Variants in SCAI observed in about 807,000 individuals in gnomAD.
SCAI encodes the protein protein SCAI.
Under a neutral mutation model 92.2 loss-of-function variants are expected in SCAI, and 24 were observed. The observed-to-expected ratio is 0.26, with a 90% CI of 0.19 to 0.37. The LOEUF is 0.37. Among genes scored for constraint, SCAI ranks in the 10% least tolerant of loss-of-function variants. The pLI is 1.00. For missense variants in SCAI, 450 were observed against 736.2 expected, an observed-to-expected ratio of 0.61 and a Z score of 4.50; for synonymous variants, 261 against 258.6, an observed-to-expected ratio of 1.01 and a Z score of -0.09.
At chr9:125,142,529 A>C in intron 2 of SCAI, 104 bp downstream of exon 2, 1 of 832,468 alleles carries the variant, frequency 1.2e-6, no homozygotes, top group South Asian at 1.6e-5. Context: ...AAGGGGGATA[A>C]ATAAGAAACT....
At chr9:125,115,008 G>C (rs1835010373) in intron 2 of SCAI, among the ~76,000 whole-genome samples, 1 of 151,832 alleles carries the variant, frequency 6.6e-6, no homozygotes, top group Admixed American at 6.6e-5. Flanking sequence ...CCTGACCTCA[G>C]GTGATCTGTC....
intron 9 of SCAI, among the ~76,000 whole-genome samples, chr9:125,014,645 T>C (rs1326807147): frequency 4.6e-5 from 7 of 152,210 alleles, no homozygotes; most frequent in Non-Finnish European, 1.0e-4. Flanking sequence ...CCCATCAAGC[T>C]ACCAATGACT....
chr9:125,118,610 C>T (rs62580571), intron 2 of SCAI, among the ~76,000 whole-genome samples: 27,468 of 152,064 alleles, frequency 0.18, 3,040 homozygotes, highest in Non-Finnish European at 0.25. Context: ...ATACATGTTC[C>T]TTGGTGGTTT....
intron 17 of SCAI, among the ~76,000 whole-genome samples, chr9:124,969,958 A>C (rs560968594): frequency 1.3e-5 from 2 of 152,080 alleles, no homozygotes; most frequent in East Asian, 3.9e-4. Flanking sequence ...GGTTCAGGCA[A>C]TTCTCCTTCC....
At chr9:125,061,423 G>T (rs114014196) in intron 2 of SCAI, among the ~76,000 whole-genome samples, 1 of 151,988 alleles carries the variant, frequency 6.6e-6, no homozygotes, top group African/African-American at 2.4e-5. Flanking sequence ...ATGGATTATG[G>T]TAATAGTTTT....
intron 14 of SCAI, among the ~76,000 whole-genome samples, chr9:124,979,552 T>TA (rs1227675473): frequency 2.0e-5 from 3 of 151,216 alleles, no homozygotes; most frequent in Non-Finnish European, 3.0e-5. Context: ...AAAATAAAAA[T>TA]AAAAAAAAGA....
At chr9:125,073,254 G>A (rs972075784) in intron 2 of SCAI, among the ~76,000 whole-genome samples, 3 of 149,772 alleles carry the variant, frequency 2.0e-5, no homozygotes, top group East Asian at 3.9e-4. Flanking sequence ...ACAGGCGCCC[G>A]CTACCACGCC....
At chr9:125,009,026 T>C (rs1832573211) in intron 9 of SCAI, among the ~76,000 whole-genome samples, 1 of 151,824 alleles carries the variant, frequency 6.6e-6, no homozygotes, top group South Asian at 2.1e-4. Flanking sequence ...TCAACAGAAA[T>C]GAGAGAAGAT....
chr9:124,986,326 C>T (rs1174156441), intron 14 of SCAI, among the ~76,000 whole-genome samples: 2 of 152,072 alleles, frequency 1.3e-5, no homozygotes, highest in Admixed American at 6.6e-5. Context: ...CAATGGAATA[C>T]TTAAAAAAGA....
At chr9:125,130,526 T>C (rs1664611790) in intron 2 of SCAI, among the ~76,000 whole-genome samples, 1 of 152,128 alleles carries the variant, frequency 6.6e-6, no homozygotes. Flanking sequence ...CTCTTTTTTT[T>C]TTCTTTGAGA....
intron 2 of SCAI, among the ~76,000 whole-genome samples, chr9:125,092,649 T>C (rs1280222627): frequency 1.3e-5 from 2 of 152,244 alleles, no homozygotes; most frequent in Non-Finnish European, 2.9e-5. Context: ...CTCACTGTTA[T>C]TCAAGGACAT....
chr9:124,963,924 G>C (rs1831492793), intron 17 of SCAI, among the ~76,000 whole-genome samples: 1 of 151,956 alleles, frequency 6.6e-6, no homozygotes, highest in Admixed American at 6.6e-5. Context: ...CTGTCTCAGG[G>C]GTGGCAGAGA....
At chr9:124,965,757 A>T (rs1377348359) in intron 17 of SCAI, among the ~76,000 whole-genome samples, 1 of 152,230 alleles carries the variant, frequency 6.6e-6, no homozygotes, top group African/African-American at 2.4e-5. Context: ...TATGGTACAT[A>T]TCAAGCAATT....
intron 3 of SCAI, among the ~76,000 whole-genome samples, chr9:125,040,492 T>C (rs1328297183): frequency 6.6e-6 from 1 of 152,258 alleles, no homozygotes; most frequent in Admixed American, 6.5e-5. Flanking sequence ...TTTAAGAATA[T>C]ATCGGGTTTC....
chr9:125,026,466 G>A (rs1270778131), intron 6 of SCAI, among the ~76,000 whole-genome samples: 2 of 151,682 alleles, frequency 1.3e-5, no homozygotes, highest in Admixed American at 6.6e-5. Context: ...CCAGGCTTTT[G>A]AAGAGATATG....
intron 3 of SCAI, among the ~76,000 whole-genome samples, chr9:125,054,234 C>T (rs561837302): frequency 2.0e-5 from 3 of 152,254 alleles, no homozygotes; most frequent in African/African-American, 7.2e-5. Context: ...CTCAGCCTCC[C>T]GAAGTGCTGG....
chr9:124,977,569 G>C (rs1184758099), intron 14 of SCAI, among the ~76,000 whole-genome samples: 1 of 152,184 alleles, frequency 6.6e-6, no homozygotes, highest in Admixed American at 6.5e-5. Flanking sequence ...AGCTGCTTGG[G>C]AGGCTGAGGT....
At chr9:125,025,002 C>T (rs1168953102) in intron 6 of SCAI, among the ~76,000 whole-genome samples, 1 of 152,154 alleles carries the variant, frequency 6.6e-6, no homozygotes, top group African/African-American at 2.4e-5. Context: ...AGAACTTGTT[C>T]CTTTTGAGGA....
intron 2 of SCAI, among the ~76,000 whole-genome samples, chr9:125,115,992 C>T (rs1483576690): frequency 6.6e-6 from 1 of 152,090 alleles, no homozygotes; most frequent in African/African-American, 2.4e-5. Flanking sequence ...GTCAGGAGTT[C>T]GAGACCAGCC....
Sources: allele counts gnomAD v4.1 joint callset (sites outside exome capture counted in the v4.1 genomes callset), GRCh38; gene constraint gnomAD v4.1.1; transcripts MANE v1.5; gene names NCBI Gene and HGNC (gene_info 2026-07-23, HGNC 2026-07-21).